SLC4A8: variants seen among roughly 807,000 people sequenced by gnomAD.
The protein encoded by SLC4A8 is electroneutral sodium bicarbonate exchanger 1.
Under a neutral mutation model 125.0 loss-of-function variants are expected in SLC4A8, and 40 were observed. The ratio of observed to expected loss-of-function variants is 0.32; its 90% confidence interval spans 0.25 to 0.42. SLC4A8 has a LOEUF of 0.42. Among genes scored for constraint, SLC4A8 ranks in the 10% least tolerant of loss-of-function variants. The pLI is 1.00. For missense variants in SLC4A8, 863 were observed against 1,355.1 expected (o/e 0.64, Z 5.70); for synonymous variants, 456 against 476.0 (o/e 0.96, Z 0.55).
chr12:51,499,624 T>TAC (rs143239328), intron 22 of SLC4A8, among the ~76,000 whole-genome samples: 5,198 of 143,292 alleles, frequency 0.036, 127 homozygotes, highest in Admixed American at 0.084. Flanking sequence ...GCTATAATTC[T>TAC]ACACACACAC....
chr12:51,423,332 G>A (rs1372515209), upstream of SLC4A8, among the ~76,000 whole-genome samples: 1 of 152,200 alleles, frequency 6.6e-6, no homozygotes, highest in African/African-American at 2.4e-5. Context: ...ATAAAGAAAG[G>A]CTTCTTGGAA....
rs759932715 is a variant in SLC4A8, at chr12:51,495,065, G to A, written c.2890G>A (p.Val964Ile). 4.0e-5 allele frequency: 64 copies of A among 1,613,944 alleles called. No individual in the cohort carries two copies. The highest frequency in any genetic ancestry group is 4.5e-5 in the Non-Finnish European group (53 of 1,179,940). ...CACCCTCATCCAGTTGACCTGTCTC[G>A]TCCTGCTCTGGGTCATCAAGGCATC... The part of the protein sequence containing the change: ...LFTLIQLTCL[V>I]LLWVIKASPA... Residue 964 changes from valine (V) to isoleucine (I), a missense_variant, in exon 21 of 25, where the codon GTC (valine) becomes ATC (isoleucine). Val to Ile is a conservative substitution (Grantham distance 29). Around this residue, in one of 6 missense-constraint regions of SLC4A8, gnomAD observed 197 missense variants for 377.7 expected, o/e 0.52. Transcript: ENST00000453097.
At chr12:51,446,149 T>G (rs1045515352) in intron 2 of SLC4A8, among the ~76,000 whole-genome samples, 2 of 152,230 alleles carry the variant, frequency 1.3e-5, no homozygotes, top group Non-Finnish European at 2.9e-5. Context: ...GCAGATGACC[T>G]CCTCTGGCTC....
At chr12:51,475,808 C>T (rs902092378) in intron 16 of SLC4A8, among the ~76,000 whole-genome samples, 1 of 152,196 alleles carries the variant, frequency 6.6e-6, no homozygotes, top group Non-Finnish European at 1.5e-5. Context: ...GGAGTAGCTA[C>T]ATGGGCCATT....
At chr12:51,445,158 G>A (rs1206012242) in intron 2 of SLC4A8, among the ~76,000 whole-genome samples, 1 of 152,080 alleles carries the variant, frequency 6.6e-6, no homozygotes, top group East Asian at 1.9e-4. Context: ...CAAAGTGGTT[G>A]TTTAGTTTTA....
intron 3 of SLC4A8, 132 bp downstream of exon 3, chr12:51,451,154 A>G (rs1298944279): frequency 2.3e-6 from 2 of 857,390 alleles, no homozygotes; most frequent in Admixed American, 3.7e-5. Flanking sequence ...GCTTGCTTCT[A>G]AGAAGAAATG....
In SLC4A8 at chr12:51,433,877, TTG is replaced by T. The variant is rs1565772440; in HGVS notation, c.49-6830_49-6829del. ...TTTTTTTTTTTTTTTTTTTTTTTTT[TTG>T]GTTGGTTTTTTTTTGAGACAGGGTC... On this transcript the variant is annotated intron_variant, in intron 1 of 24. Coordinates refer to ENST00000453097, the MANE Select transcript of SLC4A8 (RefSeq NM_001039960.3). Among the ~76,000 whole-genome samples, 65 of 28,472 alleles carry T rather than the reference TTG, an allele frequency of 2.3e-3. 1 individual carries two copies. The highest frequency in any genetic ancestry group is 5.8e-3 in the South Asian group (5 of 856). The allele number at this position is 28,472 out of a possible 152,430, so 18.7% of individuals were successfully genotyped here.
At chr12:51,478,945 T>TCAG (rs1950938887) in intron 16 of SLC4A8, among the ~76,000 whole-genome samples, 1 of 89,852 alleles carries the variant, frequency 1.1e-5, no homozygotes, top group African/African-American at 4.1e-5. Context: ...CTGTGCCTCA[T>TCAG]CTGCACAATG....
At chr12:51,494,721 G>GT (rs1951416246) in intron 20 of SLC4A8, 1 of 439,008 alleles carries the variant, frequency 2.3e-6, no homozygotes, top group African/African-American at 2.0e-5. Context: ...AGAGAAAGAA[G>GT]TTTGAACCTA....
rs1044020517 is a variant in SLC4A8, at chr12:51,511,270, G to T, written c.*3832G>T. On this transcript the variant is annotated 3_prime_UTR_variant, in exon 25 of 25. Coordinates refer to ENST00000453097, the MANE Select transcript of SLC4A8 (RefSeq NM_001039960.3). Reference sequence around the variant, plus strand: ...TGGTGATTTTCACAGCATCTGGATGGCAAATTGCCTTCACGTAGGGAAACC... The same window carrying T: ...TGGTGATTTTCACAGCATCTGGATGTCAAATTGCCTTCACGTAGGGAAACC... The T allele has an allele frequency of 2.3e-4, 35 of 152,172 alleles. No individual in the cohort carries two copies. Among genetic ancestry groups the T allele is most frequent in the African/African-American group, 8.4e-4 (35 of 41,422 alleles). 9.4% of individuals were successfully genotyped at this position (152,172 alleles called of 1,614,324 possible). A position where few individuals can be genotyped will look rare whatever the true frequency, so the allele number is the denominator to read the frequency against.
At position 51,471,424 on chromosome 12, in the gene SLC4A8, C is replaced by T; in HGVS notation, c.1796C>T (p.Ser599Phe). Residue 599 changes from serine (S) to phenylalanine (F), a missense_variant, in exon 14 of 25, where the codon TCC becomes TTC. Coordinates refer to ENST00000453097, the MANE Select transcript of SLC4A8 (RefSeq NM_001039960.3). Reference sequence around the variant, plus strand: ...CGTTTCACTGAAGAAGCATTTGCCTCCCTAATTTGCATTATTTTCATCTAT... The same window carrying T: ...CGTTTCACTGAAGAAGCATTTGCCTTCCTAATTTGCATTATTTTCATCTAT... ...ITRFTEEAFA[S>F]LICIIFIYEA... The T allele has an allele frequency of 6.2e-7, 1 of 1,614,166 alleles. No homozygotes were observed. The highest frequency in any genetic ancestry group is 8.5e-7 in the Non-Finnish European group (1 of 1,180,026).
At chr12:51,497,219 G>C (rs371931665) in intron 22 of SLC4A8, 95 bp downstream of exon 22, 111 of 1,322,358 alleles carry the variant, frequency 8.4e-5, no homozygotes, top group Non-Finnish European at 1.2e-4. Context: ...GAATCCCGAG[G>C]GTTATATTTA....
intron 22 of SLC4A8, among the ~76,000 whole-genome samples, chr12:51,501,426 C>T (rs890162739): frequency 2.0e-5 from 3 of 152,128 alleles, no homozygotes; most frequent in Non-Finnish European, 2.9e-5. Context: ...TTTGTTCCTG[C>T]GTCAGTTCAC....
intron 1 of SLC4A8, among the ~76,000 whole-genome samples, chr12:51,438,215 A>C (rs957300605): frequency 2.6e-5 from 4 of 152,152 alleles, no homozygotes; most frequent in Non-Finnish European, 5.9e-5. Context: ...AGTATAGAAC[A>C]CTAGAACTTA....
rs1370072587 is a variant in SLC4A8 at position 51,514,245 on chromosome 12, T to G, written c.*6807T>G. On this transcript the variant is annotated 3_prime_UTR_variant, in exon 25 of 25. Coordinates refer to ENST00000453097, the MANE Select transcript of SLC4A8 (RefSeq NM_001039960.3). ...CTTCTCAGGTTTCCAAGCCACATCC[T>G]AGCAGGGCATCCAGGAGCCTTGCAC... The G allele has an allele frequency of 3.3e-5, 5 of 152,826 alleles. No individual in the cohort carries two copies. The East Asian group carries it at 9.6e-4, about 29-fold the overall frequency. The allele number at this position is 152,826 out of a possible 1,614,324, so 9.5% of individuals were successfully genotyped here. A position where few individuals can be genotyped will look rare whatever the true frequency, so the allele number is the denominator to read the frequency against.
intron 1 of SLC4A8, among the ~76,000 whole-genome samples, chr12:51,399,629 TTG>T (rs1030275794): frequency 5.9e-5 from 9 of 152,200 alleles, no homozygotes; most frequent in African/African-American, 2.2e-4. Context: ...GAAAACAGTT[TTG>T]GAGTGAGACC....
In SLC4A8 at chr12:51,514,501, C is replaced by G. The variant is rs1241231569; in HGVS notation, c.*7063C>G. On this transcript the variant is annotated 3_prime_UTR_variant, in exon 25 of 25. Transcript: ENST00000453097. ...TTCTTGGTCAGAGGTCCTAAAACCA[C>G]CACCAGCTGGGGGTGCTGAGAATGG... The G allele has an allele frequency of 6.6e-6, 1 of 152,218 alleles. No homozygotes were observed. The highest frequency in any genetic ancestry group is 1.5e-5 in the Non-Finnish European group (1 of 68,058). The allele number at this position is 152,218 out of a possible 1,614,324, so 9.4% of individuals were successfully genotyped here.
intron 11 of SLC4A8, 122 bp from the exon 12 acceptor site, chr12:51,469,492 A>G: frequency 1.2e-6 from 1 of 811,946 alleles, no homozygotes; most frequent in South Asian, 1.8e-5. Context: ...TACTGGGGTC[A>G]AACTGAAGCC....
intron 1 of SLC4A8, among the ~76,000 whole-genome samples, chr12:51,426,785 G>A (rs1273029165): frequency 6.6e-6 from 1 of 151,952 alleles, no homozygotes; most frequent in East Asian, 1.9e-4. Flanking sequence ...CCCATGCTGA[G>A]GAAGTTGACA....
Sources: allele counts gnomAD v4.1 joint callset (sites outside exome capture counted in the v4.1 genomes callset), GRCh38; gene constraint gnomAD v4.1.1; regional missense constraint gnomAD v4.1.1; transcripts MANE v1.5; gene names NCBI Gene and HGNC (gene_info 2026-07-23, HGNC 2026-07-21).